MDGA2: variants seen among roughly 807,000 people sequenced by gnomAD.
MDGA2 encodes the protein MAM domain containing glycosylphosphatidylinositol anchor 2, also known as MAM domain-containing glycosylphosphatidylinositol anchor protein 2.
A neutral mutation model predicts 117.8 loss-of-function variants in MDGA2; 40 were observed. That is an observed-to-expected ratio of 0.34 (90% CI 0.26 to 0.44). The LOEUF (loss-of-function observed/expected upper bound fraction) is 0.44. MDGA2 is among the 20% of genes least tolerant of loss of function. The pLI is 1.00. For missense variants in MDGA2, 1,123 were observed against 1,250.6 expected (o/e 0.90, Z 1.54); for synonymous variants, 452 against 439.0 (o/e 1.03, Z -0.37).
In MDGA2 at chr14:47,170,886, G is replaced by A. The variant is rs536023793; in HGVS notation, c.596-26612C>T. Among the ~76,000 whole-genome samples the A allele has an allele frequency of 2.9e-4, 44 of 152,168 alleles. No homozygotes were observed. In the South Asian group the frequency reaches 3.5e-3, roughly 12 times the overall value. On this transcript the variant is annotated intron_variant, in intron 3 of 16. Transcript: ENST00000399232. ...GAAGAATATTTTTTAAGTTAACGAC[G>A]TGAACAAAAGGATGTGATTTTTTAA... is the stretch of plus-strand genomic sequence containing the variant.
chr14:47,206,550 C>T (rs990879182), intron 3 of MDGA2, among the ~76,000 whole-genome samples: 3 of 151,906 alleles, frequency 2.0e-5, no homozygotes, highest in African/African-American at 7.3e-5. Flanking sequence ...AGGATCACTC[C>T]ACTGCACTCT....
At chr14:47,588,109 T>C (rs1350326673) in intron 1 of MDGA2, among the ~76,000 whole-genome samples, 1 of 151,590 alleles carries the variant, frequency 6.6e-6, no homozygotes, top group Non-Finnish European at 1.5e-5. Context: ...CATATTTTAT[T>C]TATCTACTTA....
At chr14:47,375,444 T>G (rs1697378340) in intron 1 of MDGA2, among the ~76,000 whole-genome samples, 1 of 152,084 alleles carries the variant, frequency 6.6e-6, no homozygotes, top group African/African-American at 2.4e-5. Flanking sequence ...TCCTCCTTAA[T>G]CTGGCCTCAT....
intron 5 of MDGA2, among the ~76,000 whole-genome samples, chr14:47,111,718 A>C (rs1445829429): frequency 1.3e-5 from 2 of 152,180 alleles, no homozygotes; most frequent in Non-Finnish European, 2.9e-5. Context: ...TTGAGGCAGG[A>C]AAATGGAGAG....
At chr14:47,520,247 C>G (rs1894841566) in intron 1 of MDGA2, among the ~76,000 whole-genome samples, 1 of 152,176 alleles carries the variant, frequency 6.6e-6, no homozygotes, top group African/African-American at 2.4e-5. Flanking sequence ...ATGTTTTCCT[C>G]TCTTTTGAAA....
intron 2 of MDGA2, among the ~76,000 whole-genome samples, chr14:47,226,732 C>T (rs1478399942): frequency 6.6e-6 from 1 of 151,944 alleles, no homozygotes; most frequent in Non-Finnish European, 1.5e-5. Context: ...ACTCTTGGGC[C>T]CCAAAACCAC....
chr14:47,355,630 T>C (rs1025890128), intron 1 of MDGA2, among the ~76,000 whole-genome samples: 1 of 151,834 alleles, frequency 6.6e-6, no homozygotes, highest in Non-Finnish European at 1.5e-5. Flanking sequence ...CTCCCAATCC[T>C]AGAGAGCCCC....
At chr14:47,610,836 T>C (rs981182680) in intron 1 of MDGA2, among the ~76,000 whole-genome samples, 1 of 152,076 alleles carries the variant, frequency 6.6e-6, no homozygotes, top group Admixed American at 6.6e-5. Context: ...ACCATAATTC[T>C]TCACAGAATT....
chr14:47,280,822 AT>A (rs1237654817), intron 2 of MDGA2, among the ~76,000 whole-genome samples: 1 of 151,626 alleles, frequency 6.6e-6, no homozygotes, highest in Admixed American at 6.6e-5. Flanking sequence ...ATTTATTTTT[AT>A]TTTATTGGTC....
intron 3 of MDGA2, among the ~76,000 whole-genome samples, chr14:47,178,530 T>C (rs2139359826): frequency 6.6e-6 from 1 of 152,330 alleles, no homozygotes. Context: ...AATGCATTGT[T>C]CAGTTAATTC....
intron 3 of MDGA2, among the ~76,000 whole-genome samples, chr14:47,151,178 G>A (rs928631612): frequency 4.6e-5 from 7 of 152,238 alleles, no homozygotes; most frequent in African/African-American, 1.7e-4. Context: ...GGATTAGGCA[G>A]TGGAATGAGT....
chr14:47,409,210 C>A (rs1892321927), intron 1 of MDGA2, among the ~76,000 whole-genome samples: 1 of 152,160 alleles, frequency 6.6e-6, no homozygotes, highest in Non-Finnish European at 1.5e-5. Flanking sequence ...CTGTATTGAA[C>A]ATAGCCCGTT....
chr14:46,927,311 A>G (rs1279902621), intron 9 of MDGA2, among the ~76,000 whole-genome samples: 1 of 152,162 alleles, frequency 6.6e-6, no homozygotes, highest in Non-Finnish European at 1.5e-5. Context: ...AAAGTAAGTA[A>G]TACAGGAATT....
In MDGA2 at chr14:47,239,688, G is replaced by A. The variant is rs186713537; in HGVS notation, c.421-21493C>T. ...ATAAGATAATGAATTTTCCTTTGGG[G>A]AAAAAAAAGTTTTCAATGCTTAACA... On this transcript the variant is annotated intron_variant, in intron 2 of 16. Transcript: ENST00000399232. Among the ~76,000 whole-genome samples, 1,219 of 151,280 alleles carry A rather than the reference G, an allele frequency of 8.1e-3. 38 individuals carry two copies. Among genetic ancestry groups the A allele is most frequent in the Non-Finnish European group, 0.014 (938 of 67,592 alleles).
chr14:47,657,495 G>C (rs1006402440), intron 1 of MDGA2, among the ~76,000 whole-genome samples: 3 of 152,142 alleles, frequency 2.0e-5, no homozygotes, highest in African/African-American at 7.2e-5. Context: ...CTGCCAGCAG[G>C]AGGGACCCTG....
chr14:47,648,275 C>T (rs1897573875), intron 1 of MDGA2, among the ~76,000 whole-genome samples: 1 of 152,110 alleles, frequency 6.6e-6, no homozygotes, highest in African/African-American at 2.4e-5. Context: ...TAACCTCTTC[C>T]TCTGAATTTT....
chr14:47,311,210 T>C (rs1166764936), intron 1 of MDGA2, among the ~76,000 whole-genome samples: 2 of 152,132 alleles, frequency 1.3e-5, no homozygotes, highest in African/African-American at 4.8e-5. Flanking sequence ...CAGCAAATAC[T>C]AACCAAAATG....
chr14:47,345,582 C>G (rs185275590), intron 1 of MDGA2, among the ~76,000 whole-genome samples: 1 of 151,990 alleles, frequency 6.6e-6, no homozygotes, highest in Non-Finnish European at 1.5e-5. Flanking sequence ...AATTTATATC[C>G]ATACCCCCAC....
intron 1 of MDGA2, among the ~76,000 whole-genome samples, chr14:47,350,057 T>C (rs1021429174): frequency 6.6e-6 from 1 of 152,224 alleles, no homozygotes; most frequent in Non-Finnish European, 1.5e-5. Flanking sequence ...ACTGACTGTG[T>C]CCATTTAGAT....
Sources: allele counts gnomAD v4.1 joint callset (sites outside exome capture counted in the v4.1 genomes callset), GRCh38; gene constraint gnomAD v4.1.1; transcripts MANE v1.5; gene names NCBI Gene and HGNC (gene_info 2026-07-23, HGNC 2026-07-21).